The following PREX2 variants were observed in gnomAD, a reference collection of about 807,000 sequenced individuals.
PREX2 encodes phosphatidylinositol 3,4,5-trisphosphate-dependent Rac exchanger 2 protein.
In PREX2, 107 loss-of-function variants were observed where a neutral mutation model predicts 203.2. The observed-to-expected ratio is 0.53, with a 90% CI of 0.45 to 0.62. PREX2 has a LOEUF of 0.62. PREX2 is among the 20% of genes least tolerant of loss of function. The probability of loss-of-function intolerance (pLI) is 0.00; values close to 1 mark genes in which losing one functional copy is unlikely to be tolerated. For missense variants in PREX2, 1,777 were observed against 1,955.9 expected (o/e 0.91, Z 1.72); for synonymous variants, 672 against 663.6 (o/e 1.01, Z -0.19).
At chr8:68,155,501 A>G (rs1224681871) in intron 34 of PREX2, among the ~76,000 whole-genome samples, 1 of 152,210 alleles carries the variant, frequency 6.6e-6, no homozygotes, top group Non-Finnish European at 1.5e-5. Context: ...TAGCACAGCT[A>G]AAATGAGCAG....
chr8:67,952,765 C>G (rs1299978472), intron 1 of PREX2: 2 of 639,502 alleles, frequency 3.1e-6, no homozygotes, highest in African/African-American at 3.7e-5. Flanking sequence ...TGGAGACCTC[C>G]AGGTCTGAAA....
At chr8:68,097,543 T>C (rs1281931941) in intron 22 of PREX2, among the ~76,000 whole-genome samples, 3 of 152,236 alleles carry the variant, frequency 2.0e-5, no homozygotes, top group African/African-American at 7.2e-5. Context: ...CAGGCTGGTC[T>C]CAAACTCCTG....
intron 33 of PREX2, among the ~76,000 whole-genome samples, 183 bp from the exon 34 acceptor site, chr8:68,146,026 A>G: frequency 6.6e-6 from 1 of 152,182 alleles, no homozygotes; most frequent in Non-Finnish European, 1.5e-5. Flanking sequence ...TGCTTTAACT[A>G]TTGAGAACTG....
intron 1 of PREX2, among the ~76,000 whole-genome samples, chr8:67,997,608 T>G (rs1018756730): frequency 2.0e-5 from 3 of 152,168 alleles, no homozygotes; most frequent in African/African-American, 4.8e-5. Context: ...TCTTTTGTTT[T>G]TCTCTATAAA....
chr8:68,127,845 G>A (rs1410099777), intron 31 of PREX2, among the ~76,000 whole-genome samples: 2 of 151,994 alleles, frequency 1.3e-5, no homozygotes, highest in Non-Finnish European at 2.9e-5. Flanking sequence ...AAAAATATTG[G>A]TAATGGAAAA....
chr8:68,052,970 A>G (rs1308005312), intron 8 of PREX2, 127 bp from the exon 9 acceptor site: 3 of 750,624 alleles, frequency 4.0e-6, no homozygotes, highest in Non-Finnish European at 6.4e-6. Context: ...TTCAATATAC[A>G]TATGTAAAGC....
intron 1 of PREX2, among the ~76,000 whole-genome samples, chr8:67,960,058 A>T (rs74776813): frequency 0.048 from 7,216 of 151,702 alleles, 384 homozygotes; most frequent in African/African-American, 0.13. Context: ...TTAATTAATT[A>T]ATTTATTGAT....
At chr8:68,122,304 C>A (rs906806109) in intron 30 of PREX2, among the ~76,000 whole-genome samples, 2 of 151,910 alleles carry the variant, frequency 1.3e-5, no homozygotes, top group Admixed American at 6.6e-5. Context: ...TTCTATCTTG[C>A]GATAAAATCG....
intron 35 of PREX2, among the ~76,000 whole-genome samples, chr8:68,172,931 G>C (rs745610612): frequency 3.9e-5 from 6 of 152,062 alleles, no homozygotes; most frequent in African/African-American, 1.5e-4. Flanking sequence ...GATTATTTAC[G>C]ACTGATTTCA....
intron 1 of PREX2, among the ~76,000 whole-genome samples, chr8:67,963,555 G>GT (rs1189272330): frequency 4.6e-5 from 7 of 151,722 alleles, no homozygotes; most frequent in African/African-American, 1.7e-4. Flanking sequence ...TTTATTTTTT[G>GT]TTTTTTCTTT....
At chr8:68,100,392 C>G (rs1377496056) in intron 23 of PREX2, among the ~76,000 whole-genome samples, 1 of 152,122 alleles carries the variant, frequency 6.6e-6, no homozygotes, top group Admixed American at 6.6e-5. Context: ...GTGGGAGAGA[C>G]AGCAAGTAAG....
chr8:68,141,017 A>C (rs1422457274), intron 33 of PREX2, among the ~76,000 whole-genome samples: 1 of 152,158 alleles, frequency 6.6e-6, no homozygotes, highest in African/African-American at 2.4e-5. Context: ...GTACTGAACC[A>C]AGTTCTAGGG....
Position 68,146,885 on chromosome 8 carries a change from C to T in PREX2, c.4231+533C>T, listed in dbSNP as rs186640560. Among the ~76,000 whole-genome samples the T allele has an allele frequency of 7.6e-4, 116 of 151,942 alleles. 1 individual carries two copies. The highest frequency in any genetic ancestry group is 2.6e-3 in the African/African-American group (108 of 41,454). ...ATATTCCTTTGTCATTTTGTTTTTT[C>T]CAAGAGTGACTATCAACATCTGCAG... On this transcript the variant is annotated intron_variant, in intron 34 of 39. Coordinates refer to ENST00000288368, the MANE Select transcript of PREX2 (RefSeq NM_024870.4).
intron 35 of PREX2, among the ~76,000 whole-genome samples, chr8:68,163,464 A>C (rs1344581431): frequency 2.0e-5 from 3 of 152,216 alleles, no homozygotes; most frequent in African/African-American, 7.2e-5. Flanking sequence ...ACAAAATCAT[A>C]GGAATTTACC....
At chr8:68,090,554 G>T in intron 19 of PREX2, 25 bp from the exon 20 acceptor site, 3 of 1,577,686 alleles carry the variant, frequency 1.9e-6, no homozygotes, top group Non-Finnish European at 2.6e-6. Context: ...TTTGTTTTTG[G>T]TTATTTTCTC....
intron 34 of PREX2, among the ~76,000 whole-genome samples, chr8:68,148,431 A>C (rs897824271): frequency 3.3e-5 from 5 of 152,038 alleles, no homozygotes; most frequent in African/African-American, 1.2e-4. Flanking sequence ...TGACTTTGAA[A>C]TTATTACTGA....
intron 34 of PREX2, 139 bp from the exon 35 acceptor site, chr8:68,157,183 G>A (rs1811557811): frequency 4.4e-6 from 2 of 457,448 alleles, no homozygotes. Context: ...TTCATTTTTG[G>A]ACCTAACATA....
At chr8:68,191,466 A>G (rs1431727032) in intron 35 of PREX2, among the ~76,000 whole-genome samples, 2 of 152,160 alleles carry the variant, frequency 1.3e-5, no homozygotes, top group Admixed American at 6.5e-5. Flanking sequence ...GCTTTCCTCA[A>G]ATTATAAATG....
chr8:68,223,823 T>C (rs1484620694), intron 38 of PREX2, among the ~76,000 whole-genome samples: 1 of 152,128 alleles, frequency 6.6e-6, no homozygotes, highest in Non-Finnish European at 1.5e-5. Context: ...TGTCCAAAAA[T>C]TGCTTTAGAA....
Sources: allele counts gnomAD v4.1 joint callset (sites outside exome capture counted in the v4.1 genomes callset), GRCh38; gene constraint gnomAD v4.1.1; transcripts MANE v1.5; gene names NCBI Gene and HGNC (gene_info 2026-07-23, HGNC 2026-07-21).